Variants in USP32 observed in about 807,000 individuals in gnomAD.
The protein encoded by USP32 is ubiquitin specific peptidase 32, also known as ubiquitin carboxyl-terminal hydrolase 32.
USP32 carries 59 observed loss-of-function variants against 204.8 expected under a neutral mutation model. The observed-to-expected ratio is 0.29, with a 90% confidence interval of 0.23 to 0.36. The LOEUF (loss-of-function observed/expected upper bound fraction) is 0.36. Among genes scored for constraint, USP32 ranks in the 10% least tolerant of loss-of-function variants. USP32 has a pLI of 1.00. For missense variants in USP32, 1,160 were observed against 1,946.4 expected (o/e 0.60, Z 7.60); for synonymous variants, 517 against 678.4 (o/e 0.76, Z 3.70).
intron 1 of USP32, among the ~76,000 whole-genome samples, chr17:60,365,246 C>A (rs979688205): frequency 1.3e-5 from 2 of 151,838 alleles, no homozygotes; most frequent in African/African-American, 4.8e-5. Flanking sequence ...TTTGGGAGGC[C>A]GAGGCGGGTG....
At chr17:60,346,432 C>T (rs1307725858) in intron 1 of USP32, among the ~76,000 whole-genome samples, 2 of 152,132 alleles carry the variant, frequency 1.3e-5, no homozygotes, top group African/African-American at 4.8e-5. Context: ...TATTTGTACT[C>T]CTTGAGCACA....
intron 27 of USP32, among the ~76,000 whole-genome samples, chr17:60,193,833 G>C (rs2084445988): frequency 6.6e-6 from 1 of 152,214 alleles, no homozygotes; most frequent in African/African-American, 2.4e-5. Flanking sequence ...CTCGTCCAGT[G>C]AATGATCATT....
At position 60,271,669 on chromosome 17, in the gene USP32, A is replaced by T. The variant is rs557686928; in HGVS notation, c.572-188T>A. ...ATGGTAGGAAAATTAAACCAAAATA[A>T]ACAAAATGAAGCTTTAAAACAGAAA... is the stretch of plus-strand genomic sequence containing the variant. On this transcript the variant is annotated intron_variant, in intron 5 of 33. Coordinates refer to ENST00000300896, the MANE Select transcript of USP32 (RefSeq NM_032582.4). 3.1e-4 allele frequency among the ~76,000 whole-genome samples: 47 copies of T among 152,314 alleles called. No homozygotes were observed. The South Asian group carries it at 9.7e-3, about 32-fold the overall frequency.
chr17:60,345,794 C>T (rs950169917), intron 1 of USP32, among the ~76,000 whole-genome samples, 186 bp from the exon 2 acceptor site: 2 of 151,998 alleles, frequency 1.3e-5, no homozygotes, highest in African/African-American at 4.8e-5. Context: ...TCAGCCTGGA[C>T]AATGTGGCGA....
At chr17:60,221,461 A>G (rs1330371118) in intron 15 of USP32, among the ~76,000 whole-genome samples, 1 of 152,024 alleles carries the variant, frequency 6.6e-6, no homozygotes, top group Non-Finnish European at 1.5e-5. Context: ...CCTTCCTGGC[A>G]TAAGGAAGTT....
intron 2 of USP32, among the ~76,000 whole-genome samples, chr17:60,336,016 A>T (rs1354234847): frequency 7.0e-6 from 1 of 143,176 alleles, no homozygotes; most frequent in African/African-American, 3.0e-5. Context: ...TACACTAGTC[A>T]TGTCAGTAGC....
rs900620670 is a variant in USP32 at position 60,210,937 on chromosome 17, A to G, written c.2424+76T>C. On this transcript the variant is annotated intron_variant, in intron 21 of 33. Coordinates refer to ENST00000300896, the MANE Select transcript of USP32 (RefSeq NM_032582.4). Reference sequence around the variant, plus strand: ...CATTTATTAAGTTAAAAGGCTAAACACAAAAAACAAGCAGAGAAAAATGAT... The same window carrying G: ...CATTTATTAAGTTAAAAGGCTAAACGCAAAAAACAAGCAGAGAAAAATGAT... The G allele has an allele frequency of 2.0e-6, 3 of 1,509,762 alleles. No homozygotes were observed. The African/African-American group carries it at 4.2e-5, about 21-fold the overall frequency. 93.5% of individuals were successfully genotyped at this position (1,509,762 alleles called of 1,614,324 possible).
At chr17:60,326,340 C>T (rs1346950435) in intron 2 of USP32, among the ~76,000 whole-genome samples, 1 of 151,124 alleles carries the variant, frequency 6.6e-6, no homozygotes, top group Non-Finnish European at 1.5e-5. Flanking sequence ...GACAGAGTTT[C>T]GCTCTCGTCG....
chr17:60,355,186 A>G (rs868674981), intron 1 of USP32, among the ~76,000 whole-genome samples: 2 of 152,352 alleles, frequency 1.3e-5, no homozygotes, highest in Middle Eastern at 3.4e-3. Context: ...GCTGATTAAA[A>G]AAAAGAGCAG....
chr17:60,335,008 A>C (rs1386140069), intron 2 of USP32, among the ~76,000 whole-genome samples: 1 of 142,430 alleles, frequency 7.0e-6, no homozygotes, highest in Non-Finnish European at 1.5e-5. Context: ...TTTTTAAGAG[A>C]CAGGGTCTCT....
intron 2 of USP32, among the ~76,000 whole-genome samples, chr17:60,332,988 G>A (rs1050038861): frequency 6.6e-6 from 1 of 151,970 alleles, no homozygotes; most frequent in Non-Finnish European, 1.5e-5. Context: ...ACATTTTCAA[G>A]ATATTTCTAT....
intron 12 of USP32, among the ~76,000 whole-genome samples, chr17:60,230,827 T>C (rs951517057): frequency 2.6e-5 from 4 of 152,224 alleles, no homozygotes; most frequent in African/African-American, 7.2e-5. Context: ...TTTCCTTCTA[T>C]AAGATGAACA....
intron 9 of USP32, among the ~76,000 whole-genome samples, chr17:60,261,899 G>T (rs2086462387): frequency 6.6e-6 from 1 of 152,028 alleles, no homozygotes; most frequent in South Asian, 2.1e-4. Context: ...CAAAAGGAAA[G>T]AAACGTCATG....
chr17:60,371,232 G>A (rs1470392014), intron 1 of USP32, among the ~76,000 whole-genome samples: 2 of 141,962 alleles, frequency 1.4e-5, no homozygotes, highest in Non-Finnish European at 3.0e-5. Flanking sequence ...AGCAACAGGG[G>A]AAGACTCTGT....
chr17:60,415,908 C>T lies in USP32; in HGVS notation c.106+6338G>A, dbSNP rs571405529. Among the ~76,000 whole-genome samples, 10 of 152,140 alleles carry T rather than the reference C, an allele frequency of 6.6e-5. No individual in the cohort carries two copies. In the South Asian group the frequency reaches 1.5e-3, roughly 22 times the overall value. ...AGGCTGGAGTGCAGTGGCATGATCT[C>T]GGCTCACTGCAACCTCTGCCTCCCA... On this transcript the variant is annotated intron_variant, in intron 1 of 3. Coordinates refer to the USP32 transcript ENST00000588898.
intron 11 of USP32, among the ~76,000 whole-genome samples, chr17:60,250,747 T>G (rs2086144233): frequency 6.6e-6 from 1 of 151,394 alleles, no homozygotes. Flanking sequence ...CTCAGGAGAG[T>G]TCAAGACCAG....
At chr17:60,225,925 G>A in intron 13 of USP32, 114 bp downstream of exon 13, 1 of 1,198,168 alleles carries the variant, frequency 8.3e-7, no homozygotes, top group Non-Finnish European at 1.1e-6. Context: ...CTGCGCTCCA[G>A]CCTGGGCAAA....
intron 1 of USP32, among the ~76,000 whole-genome samples, chr17:60,380,241 T>C (rs1385828573): frequency 5.3e-5 from 8 of 152,136 alleles, no homozygotes; most frequent in African/African-American, 1.2e-4. Context: ...AACCTGAACA[T>C]GCCAATCTCA....
At chr17:60,226,413 A>G (rs2085389690) in intron 12 of USP32, among the ~76,000 whole-genome samples, 182 bp from the exon 13 acceptor site, 1 of 152,252 alleles carries the variant, frequency 6.6e-6, no homozygotes, top group African/African-American at 2.4e-5. Flanking sequence ...GTATGTATAT[A>G]GATAAAATTG....
Sources: allele counts gnomAD v4.1 joint callset (sites outside exome capture counted in the v4.1 genomes callset), GRCh38; gene constraint gnomAD v4.1.1; transcripts MANE v1.5; gene names NCBI Gene and HGNC (gene_info 2026-07-23, HGNC 2026-07-21).